The following FBXL20 variants were observed in gnomAD, a reference collection of about 807,000 sequenced individuals.
The protein encoded by FBXL20 is F-box and leucine rich repeat protein 20.
A neutral mutation model predicts 64.0 loss-of-function variants in FBXL20; 11 were observed. The observed-to-expected ratio is 0.17, with a 90% CI of 0.11 to 0.28. The LOEUF is 0.28. Among genes scored for constraint, FBXL20 ranks in the 10% least tolerant of loss-of-function variants. The probability of loss-of-function intolerance (pLI) is 1.00; values close to 1 mark genes in which losing one functional copy is unlikely to be tolerated. For synonymous variants in FBXL20, 184 were observed against 189.0 expected (o/e 0.97, Z 0.22); for missense variants, 303 against 526.2 (o/e 0.58, Z 4.15).
rs138291022 is a variant in FBXL20, at chr17:39,320,078, A to AT, written c.105-16440_105-16439insA. ...CCATGAATTTTCTGTCCCTACAAACAACATACATACACGTACACACAGATT... is the reference window on the plus strand; with the variant it reads ...CCATGAATTTTCTGTCCCTACAAACATACATACATACACGTACACACAGATT... On this transcript the variant is annotated intron_variant, in intron 2 of 14. Coordinates refer to ENST00000264658, the MANE Select transcript of FBXL20 (RefSeq NM_032875.3). 1.1e-3 allele frequency among the ~76,000 whole-genome samples: 162 copies of AT among 152,306 alleles called. No homozygotes were observed. The East Asian group carries it at 0.018, about 17-fold the overall frequency.
At chr17:39,358,005 G>A (rs1013305664) in intron 1 of FBXL20, among the ~76,000 whole-genome samples, 1 of 152,130 alleles carries the variant, frequency 6.6e-6, no homozygotes, top group Non-Finnish European at 1.5e-5. Flanking sequence ...TCATACATAT[G>A]CATATGAAGA....
rs867108070 is a variant in FBXL20, at chr17:39,286,791, T to A, written c.399-1218A>T. On this transcript the variant is annotated intron_variant, in intron 6 of 14. Coordinates refer to ENST00000264658, the MANE Select transcript of FBXL20 (RefSeq NM_032875.3). ...CCAGCCTGGGCAACAAGAGTGAAACTCTGTCTCAAAAAAAAAATTTTTTTT... is the reference window on the plus strand; with the variant it reads ...CCAGCCTGGGCAACAAGAGTGAAACACTGTCTCAAAAAAAAAATTTTTTTT... Among the ~76,000 whole-genome samples the A allele has an allele frequency of 2.0e-5, 3 of 151,682 alleles. No homozygotes were observed. The Middle Eastern group carries it at 0.01, about 516-fold the overall frequency.
At chr17:39,350,798 G>C (rs965542232) in intron 1 of FBXL20, among the ~76,000 whole-genome samples, 7 of 152,096 alleles carry the variant, frequency 4.6e-5, no homozygotes, top group African/African-American at 1.7e-4. Context: ...CATCAACCCG[G>C]AACTTACAAG....
At chr17:39,294,618 AAT>A (rs2047068676) in intron 6 of FBXL20, among the ~76,000 whole-genome samples, 1 of 152,188 alleles carries the variant, frequency 6.6e-6, no homozygotes, top group Non-Finnish European at 1.5e-5. Context: ...CTGTGTTTAA[AAT>A]AGTGTATTTT....
Position 39,297,177 on chromosome 17 carries a change from G to A in FBXL20, c.348C>T (p.Cys116=), listed in dbSNP as rs1389444024. 6.2e-7 allele frequency: 1 copy of A among 1,609,960 alleles called. No individual in the cohort carries two copies. Among genetic ancestry groups the A allele is most frequent in the South Asian group, 1.1e-5 (1 of 90,418 alleles). ...DNALRTFAQN[C]RNIEVLNLNG... is the part of the protein sequence containing the mutation. ...TTAGATTCAGTACTTCAATGTTCCT[G>A]CAGTTTTGTGCAAAGGTTCTTTGTA... is the stretch of plus-strand genomic sequence containing the variant. The change falls in exon 6 of 15, where the codon TGC becomes TGT. Residue 116 remains cysteine, a synonymous_variant. Coordinates refer to ENST00000264658, the MANE Select transcript of FBXL20 (RefSeq NM_032875.3).
At position 39,264,303 on chromosome 17, in the gene FBXL20, T is replaced by G. The variant is rs746469622; in HGVS notation, c.1075A>C (p.Ile359Leu). ...ATTAGTGGGCAGTTGTCCAGCTCAA[T>G]CACCTCCAGCTGGTCATGGGCGCAG... Reference protein sequence around the residue: ...GACAHDQLEVIELDNCPLITD... With the variant: ...GACAHDQLEVLELDNCPLITD... The change falls in exon 14 of 15, where the codon ATT becomes CTT. Residue 359 changes from isoleucine (I) to leucine (L), a missense_variant. Physicochemically the swap from Ile to Leu is conservative, Grantham distance 5 (BLOSUM62 2). Coordinates refer to ENST00000264658, the MANE Select transcript of FBXL20 (RefSeq NM_032875.3). 2.5e-6 allele frequency: 4 copies of G among 1,614,074 alleles called. No individual in the cohort carries two copies. The African/African-American group carries it at 4.0e-5, about 16-fold the overall frequency.
chr17:39,344,619 C>T (rs1028630075), intron 1 of FBXL20, among the ~76,000 whole-genome samples: 2 of 143,390 alleles, frequency 1.4e-5, no homozygotes, highest in Non-Finnish European at 1.6e-5. Context: ...AACCCCATCT[C>T]TACTAAAAAT....
Position 39,285,528 on chromosome 17 carries a change from A to G in FBXL20, c.444T>C (p.Leu148=), listed in dbSNP as rs777131875. ...LSKFCSKLRH[L]DLASCTSITN... The stretch of plus-strand genomic sequence containing the variant: ...TTATTGATGTACAGGAAGCCAAGTC[A>G]AGGTGCCTGAGTTTGGAACAGAACT... Residue 148 remains leucine, a synonymous_variant, in exon 7 of 15, where the codon CTT becomes CTC. Coordinates refer to ENST00000264658, the MANE Select transcript of FBXL20 (RefSeq NM_032875.3). The G allele has an allele frequency of 1.1e-5, 18 of 1,606,520 alleles. No individual in the cohort carries two copies. The highest frequency in any genetic ancestry group is 1.4e-5 in the Non-Finnish European group (17 of 1,176,194).
intron 1 of FBXL20, among the ~76,000 whole-genome samples, chr17:39,390,241 C>T (rs113242884): frequency 0.043 from 6,491 of 151,704 alleles, 266 homozygotes; most frequent in African/African-American, 0.11. Flanking sequence ...GGCAACATGG[C>T]GAAATCCCAT....
At chr17:39,350,259 G>A (rs2047674830) in intron 1 of FBXL20, among the ~76,000 whole-genome samples, 1 of 152,146 alleles carries the variant, frequency 6.6e-6, no homozygotes, top group Admixed American at 6.6e-5. Flanking sequence ...GGGAGGCCAA[G>A]GCGGGCTGAT....
chr17:39,325,509 A>G (rs1400012847), intron 2 of FBXL20, among the ~76,000 whole-genome samples: 1 of 152,202 alleles, frequency 6.6e-6, no homozygotes, highest in Non-Finnish European at 1.5e-5. Flanking sequence ...AAACAGGTAG[A>G]TATTAAAGGG....
intron 4 of FBXL20, 128 bp from the exon 5 acceptor site, chr17:39,299,212 A>C: frequency 1.5e-6 from 1 of 645,572 alleles, no homozygotes; most frequent in Non-Finnish European, 2.6e-6. Flanking sequence ...TAATAGGAAA[A>C]TTGTAACTTA....
chr17:39,330,538 T>C (rs1640524740), intron 2 of FBXL20, among the ~76,000 whole-genome samples: 3 of 152,182 alleles, frequency 2.0e-5, no homozygotes, highest in South Asian at 2.1e-4. Flanking sequence ...TGCTTGAACC[T>C]GGGAAGCGGA....
Position 39,270,779 on chromosome 17 carries a change from C to T in FBXL20, c.888+17G>A. 2 of 1,595,468 alleles carry T rather than the reference C, an allele frequency of 1.3e-6. No homozygotes were observed. The highest frequency in any genetic ancestry group is 2.3e-5 in the South Asian group (2 of 88,082). On this transcript the variant is annotated intron_variant, in intron 11 of 14. Coordinates refer to ENST00000264658, the MANE Select transcript of FBXL20 (RefSeq NM_032875.3). Reference sequence around the variant, plus strand: ...ACCTATGGAAACAAACCTATGGAACCTAAAGAAAATACTTACCCTGGCTAG... The same window carrying T: ...ACCTATGGAAACAAACCTATGGAACTTAAAGAAAATACTTACCCTGGCTAG...
At chr17:39,373,501 A>G (rs548330239) in intron 1 of FBXL20, among the ~76,000 whole-genome samples, 1 of 152,176 alleles carries the variant, frequency 6.6e-6, no homozygotes, top group African/African-American at 2.4e-5. Context: ...AGATCTTCCA[A>G]CCTGGTTTCT....
At chr17:39,317,245 C>A (rs1597794039) in intron 2 of FBXL20, among the ~76,000 whole-genome samples, 1 of 152,194 alleles carries the variant, frequency 6.6e-6, no homozygotes. Context: ...TTTCTTTCCC[C>A]CCATGAGACA....
chr17:39,298,259 C>T (rs2047104110), intron 5 of FBXL20, among the ~76,000 whole-genome samples: 2 of 152,042 alleles, frequency 1.3e-5, no homozygotes, highest in Admixed American at 6.6e-5. Flanking sequence ...GCTGGGTTTA[C>T]AGGCATATGT....
Position 39,303,812 on chromosome 17 carries a change from G to A in FBXL20, c.105-173C>T, listed in dbSNP as rs767295209. Among the ~76,000 whole-genome samples, 30 of 152,076 alleles carry A rather than the reference G, an allele frequency of 2.0e-4. 1 individual carries two copies. The highest frequency in any genetic ancestry group is 1.3e-4 in the Admixed American group (2 of 15,240). On this transcript the variant is annotated intron_variant, in intron 2 of 14. Coordinates refer to ENST00000264658, the MANE Select transcript of FBXL20 (RefSeq NM_032875.3). ...GGTGATCCTCCCACGTCAAGCTCCT[G>A]AGTAGCTAGGACTAGAGATGCGTGC...
Position 39,258,658 on chromosome 17 carries a change from A to T in FBXL20, c.*2802T>A, listed in dbSNP as rs1352562068. ...GTCTTTTAAACTTATCTTTTAAGTA[A>T]AGAAGTACCTTAATAGCCTCAACTT... On this transcript the variant is annotated 3_prime_UTR_variant, in exon 15 of 15. Coordinates refer to ENST00000264658, the MANE Select transcript of FBXL20 (RefSeq NM_032875.3). 6.6e-6 allele frequency: 1 copy of T among 152,272 alleles called. No individual in the cohort carries two copies. Among genetic ancestry groups the T allele is most frequent in the Non-Finnish European group, 1.5e-5 (1 of 68,050 alleles). The allele number at this position is 152,272 out of a possible 1,614,324, so 9.4% of individuals were successfully genotyped here.
Sources: gnomAD v4.1 joint callset for allele counts (sites outside exome capture counted in the v4.1 genomes callset) on GRCh38, gnomAD v4.1.1 for gene constraint, MANE v1.5 for transcripts, NCBI Gene and HGNC (gene_info 2026-07-23, HGNC 2026-07-21) for gene names.